The following CABP1 variants were observed in gnomAD, a reference collection of about 807,000 sequenced individuals.
The protein encoded by CABP1 is calcium binding protein 1.
CABP1 carries 17 observed loss-of-function variants against 34.3 expected under a neutral mutation model. The ratio of observed to expected loss-of-function variants is 0.50; its 90% confidence interval spans 0.34 to 0.74. CABP1 has a LOEUF of 0.74. CABP1 is among the 30% of genes least tolerant of loss of function. The pLI is 0.01. For missense variants in CABP1, 373 were observed against 511.1 expected (o/e 0.73, Z 2.61); for synonymous variants, 198 against 229.2 (o/e 0.86, Z 1.23).
intron 2 of CABP1, 70 bp downstream of exon 2, chr12:120,659,978 G>A (rs923646357): frequency 3.3e-6 from 5 of 1,506,648 alleles, no homozygotes; most frequent in Non-Finnish European, 4.6e-6. Flanking sequence ...GAGGTTGATG[G>A]GAAGAGAGGC....
At chr12:120,654,959 G>A (rs1178787186) in intron 1 of CABP1, among the ~76,000 whole-genome samples, 1 of 152,268 alleles carries the variant, frequency 6.6e-6, no homozygotes, top group East Asian at 1.9e-4. Flanking sequence ...CAGGGAGCCA[G>A]GGAAGGCGGG....
At chr12:120,642,587 A>G (rs1362268771) in intron 1 of CABP1, among the ~76,000 whole-genome samples, 1 of 152,068 alleles carries the variant, frequency 6.6e-6, no homozygotes, top group Non-Finnish European at 1.5e-5. Flanking sequence ...TTAGCTGGAA[A>G]CAGTTCTCTG....
At chr12:120,663,885 A>G (rs570726643) in intron 5 of CABP1, among the ~76,000 whole-genome samples, 1 of 152,334 alleles carries the variant, frequency 6.6e-6, no homozygotes, top group Admixed American at 6.5e-5. Context: ...GATACAGGGA[A>G]AGGGTAAAAT....
the CABP1 span, among the ~76,000 whole-genome samples, chr12:120,672,679 A>T: frequency 6.6e-6 from 1 of 150,612 alleles, no homozygotes; most frequent in Non-Finnish European, 1.5e-5. Flanking sequence ...GGGCCTGACT[A>T]AATGATAGTA....
chr12:120,670,733 T>C (rs1374211812), downstream of CABP1, among the ~76,000 whole-genome samples: 1 of 152,112 alleles, frequency 6.6e-6, no homozygotes, highest in Non-Finnish European at 1.5e-5. Context: ...GGTGACAGAG[T>C]GAGACTTTTG....
chr12:120,643,341 G>A (rs1423056736), intron 1 of CABP1, among the ~76,000 whole-genome samples: 1 of 152,216 alleles, frequency 6.6e-6, no homozygotes, highest in Admixed American at 6.5e-5. Flanking sequence ...GGACTTTCGT[G>A]TCAGAGCCTC....
At chr12:120,665,473 G>A (rs1171443538) in intron 5 of CABP1, among the ~76,000 whole-genome samples, 1 of 152,086 alleles carries the variant, frequency 6.6e-6, no homozygotes, top group African/African-American at 2.4e-5. Context: ...TGATACAACA[G>A]CAGAGGATGC....
intron 1 of CABP1, among the ~76,000 whole-genome samples, chr12:120,656,438 G>C (rs568489): frequency 0.54 from 80,986 of 151,354 alleles, 22,021 homozygotes; most frequent in Non-Finnish European, 0.6. Flanking sequence ...CCATATCCAC[G>C]AGCAAAATAA....
At chr12:120,643,873 G>A (rs1879443225) in intron 1 of CABP1, among the ~76,000 whole-genome samples, 1 of 152,206 alleles carries the variant, frequency 6.6e-6, no homozygotes, top group African/African-American at 2.4e-5. Flanking sequence ...CTTCTTCTTT[G>A]TTGTTATTGT....
At chr12:120,645,422 G>A (rs888205305) in intron 1 of CABP1, among the ~76,000 whole-genome samples, 1 of 152,140 alleles carries the variant, frequency 6.6e-6, no homozygotes, top group Non-Finnish European at 1.5e-5. Context: ...TAGCACTTGA[G>A]GCCTCAGTCT....
At chr12:120,675,312 C>CA in the CABP1 span, among the ~76,000 whole-genome samples, 1 of 152,222 alleles carries the variant, frequency 6.6e-6, no homozygotes, top group Non-Finnish European at 1.5e-5. Flanking sequence ...CTCGACCTCC[C>CA]AAAGTGGTGG....
rs145655068 is a variant in CABP1 at position 120,660,836 on chromosome 12, G to A, written c.935G>A (p.Arg312Gln). The change falls in exon 4 of 6, where the codon CGA (arginine) becomes CAA (glutamine). Residue 312 changes from arginine (R) to glutamine (Q), a missense_variant. Around this residue, in one of 4 missense-constraint regions of CABP1, gnomAD observed 109 missense variants for 204.8 expected, o/e 0.53. Coordinates refer to ENST00000316803, the MANE Select transcript of CABP1 (RefSeq NM_001033677.2). This position sits in a 1 kb window ranked among gnomAD's most constrained non-coding sequence, Gnocchi z 5.0. ...GTAAAGGAACTGCGAGATGCTTTCC[G>A]AGAGGTAACGGACAGAGGCAGGCAG... is the stretch of plus-strand genomic sequence containing the variant. ...IGVKELRDAF[R>Q]EFDTNGDGEI... 20 of 1,609,072 alleles carry A rather than the reference G, an allele frequency of 1.2e-5. No individual in the cohort carries two copies. The highest frequency in any genetic ancestry group is 1.7e-4 in the Middle Eastern group (1 of 6,052).
intron 1 of CABP1, among the ~76,000 whole-genome samples, chr12:120,658,531 C>A (rs1003853802): frequency 1.2e-4 from 18 of 152,194 alleles, no homozygotes; most frequent in Admixed American, 1.1e-3. Context: ...ACACTCTCAA[C>A]GCTGTCCTGC....
chr12:120,653,733 C>T (rs1879992666), intron 1 of CABP1, among the ~76,000 whole-genome samples: 2 of 152,256 alleles, frequency 1.3e-5, no homozygotes, highest in South Asian at 2.1e-4. Flanking sequence ...GGGGTTTCGC[C>T]ATGTTGGCAG....
At chr12:120,658,864 A>G (rs11065192) in intron 1 of CABP1, 5,388 of 152,444 alleles carry the variant, frequency 0.035, 287 homozygotes, top group East Asian at 0.26. Context: ...AAGAGCTGCA[A>G]CATGCGGGAG....
the CABP1 span, among the ~76,000 whole-genome samples, chr12:120,674,120 G>A: frequency 2.6e-5 from 4 of 152,168 alleles, no homozygotes; most frequent in Non-Finnish European, 5.9e-5. Context: ...AGAAGTTGAG[G>A]CTGCAGTGAA....
Position 120,656,458 on chromosome 12 carries a change from T to TG in CABP1, c.655-3420_655-3419insG, listed in dbSNP as rs1880232915. On this transcript the variant is annotated intron_variant, in intron 1 of 5. Transcript: ENST00000316803. ...TCCACGAGCAAAATAATGATGATGA[T>TG]AATAATAATAATAATATCAGATACA... Among the ~76,000 whole-genome samples, 8 of 151,932 alleles carry TG rather than the reference T, an allele frequency of 5.3e-5. No homozygotes were observed. In the East Asian group the frequency reaches 5.8e-4, roughly 11 times the overall value.
the CABP1 span, among the ~76,000 whole-genome samples, chr12:120,672,407 C>A: frequency 6.6e-6 from 1 of 151,422 alleles, no homozygotes; most frequent in Non-Finnish European, 1.5e-5. Context: ...CCGAAGTGGG[C>A]GGATCACCTG....
chr12:120,670,261 C>T (rs1055658470), downstream of CABP1, among the ~76,000 whole-genome samples: 1 of 152,198 alleles, frequency 6.6e-6, no homozygotes, highest in Non-Finnish European at 1.5e-5. Context: ...TCCCAAAGTG[C>T]TGGGATTACA....
Sources: gnomAD v4.1 joint callset for allele counts (sites outside exome capture counted in the v4.1 genomes callset) on GRCh38, gnomAD v4.1.1 for gene constraint, gnomAD v4.1.1 regional missense constraint, Gnocchi (gnomAD v3.1) non-coding constraint, MANE v1.5 for transcripts, NCBI Gene and HGNC (gene_info 2026-07-23, HGNC 2026-07-21) for gene names.